Variants in PDE1A observed in about 807,000 individuals in gnomAD.
PDE1A encodes the protein phosphodiesterase 1A.
A neutral mutation model predicts 61.7 loss-of-function variants in PDE1A; 35 were observed. That is an observed-to-expected ratio of 0.57 (90% CI 0.43 to 0.75). PDE1A has a LOEUF of 0.75. Ranked by LOEUF, PDE1A falls within the 30% of genes least tolerant of loss-of-function variation. PDE1A has a pLI of 0.00. For missense variants in PDE1A, 597 were observed against 630.6 expected (o/e 0.95, Z 0.57); for synonymous variants, 232 against 213.2 (o/e 1.09, Z -0.77).
the PDE1A span, among the ~76,000 whole-genome samples, chr2:182,683,647 C>G: frequency 6.6e-6 from 1 of 152,044 alleles, no homozygotes; most frequent in African/African-American, 2.4e-5. Flanking sequence ...CTGTTTAAAT[C>G]ATGACCGATA....
chr2:182,208,298 C>A (rs904089095), intron 7 of PDE1A, among the ~76,000 whole-genome samples: 4 of 152,098 alleles, frequency 2.6e-5, no homozygotes, highest in Non-Finnish European at 4.4e-5. Context: ...AGGAAACTTA[C>A]AATCATGATG....
At chr2:182,508,705 G>T (rs1293376463) in intron 2 of PDE1A, among the ~76,000 whole-genome samples, 1 of 148,294 alleles carries the variant, frequency 6.7e-6, no homozygotes, top group Non-Finnish European at 1.5e-5. Flanking sequence ...ATTTTCCGGG[G>T]TATCAAAGCC....
intron 7 of PDE1A, among the ~76,000 whole-genome samples, chr2:182,214,101 G>A (rs1378308056): frequency 6.6e-6 from 1 of 150,494 alleles, no homozygotes; most frequent in African/African-American, 2.5e-5. Flanking sequence ...AGAAGAGAGT[G>A]GGGGCCAATA....
the PDE1A span, among the ~76,000 whole-genome samples, chr2:182,528,424 G>T: frequency 0.068 from 10,424 of 152,280 alleles, 392 homozygotes; most frequent in Middle Eastern, 0.1. Context: ...CAGCAAAGCA[G>T]TCAAGAAGTG....
At chr2:182,228,052 C>T (rs564311127) in intron 6 of PDE1A, among the ~76,000 whole-genome samples, 1 of 152,234 alleles carries the variant, frequency 6.6e-6, no homozygotes, top group South Asian at 2.1e-4. Flanking sequence ...TGTATAATTC[C>T]ATGTTCAAAG....
chr2:182,565,366 C>T, the PDE1A span, among the ~76,000 whole-genome samples: 6 of 152,144 alleles, frequency 3.9e-5, no homozygotes, highest in East Asian at 1.9e-4. Context: ...TGCAGAACAG[C>T]GGATTTTTGT....
chr2:182,714,356 T>C, the PDE1A span, among the ~76,000 whole-genome samples: 1 of 152,168 alleles, frequency 6.6e-6, no homozygotes, highest in African/African-American at 2.4e-5. Flanking sequence ...TCCTATTTTT[T>C]CTCCAATCTA....
At chr2:182,168,259 A>G (rs781098100) in exon 14 of PDE1A, 1 of 1,597,086 alleles carries the variant, frequency 6.3e-7, no homozygotes, top group Admixed American at 1.8e-5. Context: ...ACTGATGAAT[A>G]AACTCACACT....
At chr2:182,219,091 A>T (rs1014971692) in intron 7 of PDE1A, among the ~76,000 whole-genome samples, 2 of 152,054 alleles carry the variant, frequency 1.3e-5, no homozygotes, top group Non-Finnish European at 2.9e-5. Context: ...TTATGATTCT[A>T]GTTTTTTACT....
chr2:182,648,735 A>G, the PDE1A span, among the ~76,000 whole-genome samples: 1 of 151,600 alleles, frequency 6.6e-6, no homozygotes, highest in Admixed American at 6.6e-5. Context: ...AAGACAAGGC[A>G]GTTAAAGCCA....
At chr2:182,608,177 G>A in the PDE1A span, among the ~76,000 whole-genome samples, 1 of 152,182 alleles carries the variant, frequency 6.6e-6, no homozygotes, top group East Asian at 1.9e-4. Flanking sequence ...GAGGGGTGGG[G>A]GTTGCGGGGT....
the PDE1A span, among the ~76,000 whole-genome samples, chr2:182,538,062 C>T: frequency 6.6e-6 from 1 of 152,134 alleles, no homozygotes; most frequent in Non-Finnish European, 1.5e-5. Context: ...GGCCTTTTTT[C>T]TATGCCTTCA....
chr2:182,402,817 A>C (rs1702080645), intron 1 of PDE1A, among the ~76,000 whole-genome samples: 1 of 152,200 alleles, frequency 6.6e-6, no homozygotes, highest in Non-Finnish European at 1.5e-5. Flanking sequence ...CAAAAACTTA[A>C]ACAAATTTAT....
chr2:182,637,105 T>C, the PDE1A span, among the ~76,000 whole-genome samples: 1 of 152,240 alleles, frequency 6.6e-6, no homozygotes, highest in African/African-American at 2.4e-5. Flanking sequence ...CTTCCTATTT[T>C]AATGTCTGTA....
At chr2:182,391,073 G>A (rs1331764655) in intron 1 of PDE1A, among the ~76,000 whole-genome samples, 2 of 152,180 alleles carry the variant, frequency 1.3e-5, no homozygotes, top group African/African-American at 4.8e-5. Flanking sequence ...CAAAAGAACT[G>A]CTTGAGTTTT....
chr2:182,203,985 G>C lies in PDE1A; in HGVS notation c.902+1955C>G, dbSNP rs1686886216. ...AACATTCAATTAAAATGACTCTGAA[G>C]TTACCAAACAGAAACTTAGACAATT... On this transcript the variant is annotated intron_variant, in intron 8 of 13. Transcript: ENST00000351439. Among the ~76,000 whole-genome samples the C allele has an allele frequency of 2.0e-5, 3 of 151,910 alleles. No homozygotes were observed. In the South Asian group the frequency reaches 6.2e-4, roughly 32 times the overall value.
the PDE1A span, among the ~76,000 whole-genome samples, chr2:182,530,797 G>A: frequency 6.6e-6 from 1 of 152,006 alleles, no homozygotes; most frequent in South Asian, 2.1e-4. Flanking sequence ...CAAACAGAAA[G>A]AAAATAATAA....
At chr2:182,270,510 C>T (rs974198188) in intron 1 of PDE1A, among the ~76,000 whole-genome samples, 28 of 151,706 alleles carry the variant, frequency 1.8e-4, no homozygotes, top group African/African-American at 6.0e-4. Context: ...TTTTAGGATA[C>T]AAAATACCCA....
chr2:182,505,369 C>G (rs17265384), intron 2 of PDE1A, among the ~76,000 whole-genome samples: 2 of 152,108 alleles, frequency 1.3e-5, no homozygotes, highest in Non-Finnish European at 2.9e-5. Flanking sequence ...ACTTTTACCT[C>G]AATCTTAACA....
Sources: allele counts gnomAD v4.1 joint callset (sites outside exome capture counted in the v4.1 genomes callset), GRCh38; gene constraint gnomAD v4.1.1; transcripts MANE v1.5; gene names NCBI Gene and HGNC (gene_info 2026-07-23, HGNC 2026-07-21).